Variants in ADGRB3 observed in about 807,000 individuals in gnomAD.
ADGRB3 encodes brain-specific angiogenesis inhibitor 3.
ADGRB3 carries 37 observed loss-of-function variants against 193.4 expected under a neutral mutation model. The observed-to-expected ratio is 0.19, with a 90% CI of 0.15 to 0.25. ADGRB3 has a LOEUF of 0.25. Among genes scored for constraint, ADGRB3 ranks in the 10% least tolerant of loss-of-function variants. The probability of loss-of-function intolerance (pLI) is 1.00; values close to 1 mark genes in which losing one functional copy is unlikely to be tolerated. For synonymous variants in ADGRB3, 690 were observed against 644.2 expected, an observed-to-expected ratio of 1.07 and a Z score of -1.08; for missense variants, 1,637 against 1,852.9, an observed-to-expected ratio of 0.88 and a Z score of 2.14.
chr6:68,754,384 A>C (rs1562016604), intron 3 of ADGRB3, among the ~76,000 whole-genome samples: 1 of 152,184 alleles, frequency 6.6e-6, no homozygotes. Context: ...ACTGAAAATC[A>C]AAAAGAAGAT....
At chr6:68,842,338 C>A (rs1768174880) in intron 3 of ADGRB3, among the ~76,000 whole-genome samples, 1 of 151,590 alleles carries the variant, frequency 6.6e-6, no homozygotes, top group Admixed American at 6.6e-5. Flanking sequence ...GGAGACAATA[C>A]AACTGATACT....
intron 8 of ADGRB3, among the ~76,000 whole-genome samples, chr6:68,967,668 C>T (rs951177567): frequency 4.0e-5 from 6 of 151,392 alleles, no homozygotes; most frequent in Non-Finnish European, 5.9e-5. Context: ...TCATTCTCTG[C>T]GATCTTAAGA....
intron 3 of ADGRB3, among the ~76,000 whole-genome samples, chr6:68,842,952 G>A (rs1270871205): frequency 6.6e-6 from 1 of 151,240 alleles, no homozygotes; most frequent in Non-Finnish European, 1.5e-5. Context: ...GCTGAAAAAA[G>A]CATTTGATAA....
intron 26 of ADGRB3, among the ~76,000 whole-genome samples, chr6:69,350,539 G>A (rs545181467): frequency 2.6e-5 from 4 of 151,902 alleles, no homozygotes; most frequent in Admixed American, 2.0e-4. Flanking sequence ...TAAAAAAATT[G>A]CATTTACTGG....
chr6:69,206,626 T>C (rs762973134), intron 17 of ADGRB3, among the ~76,000 whole-genome samples: 3 of 152,062 alleles, frequency 2.0e-5, no homozygotes, highest in Non-Finnish European at 2.9e-5. Flanking sequence ...TACCTAACAT[T>C]AACAATACTT....
intron 1 of ADGRB3, among the ~76,000 whole-genome samples, chr6:68,636,968 A>G (rs546199135): frequency 6.6e-6 from 1 of 152,072 alleles, no homozygotes; most frequent in Non-Finnish European, 1.5e-5. Context: ...CAAAAAAAAA[A>G]AAAAAAAAAG....
intron 3 of ADGRB3, among the ~76,000 whole-genome samples, chr6:68,758,216 A>C (rs927959721): frequency 3.3e-5 from 5 of 152,086 alleles, no homozygotes; most frequent in African/African-American, 1.2e-4. Context: ...TTTTTGGTAC[A>C]TATGAAGAGC....
intron 3 of ADGRB3, among the ~76,000 whole-genome samples, chr6:68,697,267 G>T (rs1765173390): frequency 6.6e-6 from 1 of 151,866 alleles, no homozygotes; most frequent in Admixed American, 6.6e-5. Context: ...TTTATTTTAA[G>T]ATGGACTTCT....
chr6:69,360,012 T>G (rs552464380), intron 28 of ADGRB3, among the ~76,000 whole-genome samples: 10 of 152,004 alleles, frequency 6.6e-5, no homozygotes, highest in African/African-American at 1.7e-4. Flanking sequence ...AAATATATTT[T>G]AATAAAGAAT....
intron 8 of ADGRB3, among the ~76,000 whole-genome samples, chr6:68,957,997 T>C (rs1191687916): frequency 1.3e-5 from 2 of 152,010 alleles, no homozygotes; most frequent in Non-Finnish European, 2.9e-5. Context: ...GGTCAGGAGT[T>C]CGAGACCAGC....
At chr6:68,847,813 A>C (rs1768311534) in intron 3 of ADGRB3, among the ~76,000 whole-genome samples, 1 of 152,194 alleles carries the variant, frequency 6.6e-6, no homozygotes. Context: ...AAAGCAAATG[A>C]AATCAAAAGG....
At chr6:68,640,272 G>T (rs538414283) in intron 3 of ADGRB3, among the ~76,000 whole-genome samples, 9 of 152,304 alleles carry the variant, frequency 5.9e-5, no homozygotes, top group Non-Finnish European at 1.0e-4. Context: ...CTAGCTGGGG[G>T]AAAGGAGGGG....
At chr6:68,841,040 C>A (rs1377333694) in intron 3 of ADGRB3, among the ~76,000 whole-genome samples, 1 of 152,094 alleles carries the variant, frequency 6.6e-6, no homozygotes, top group African/African-American at 2.4e-5. Flanking sequence ...GATAATTCAT[C>A]CAGATGATAT....
intron 3 of ADGRB3, among the ~76,000 whole-genome samples, chr6:68,859,849 G>T (rs950974554): frequency 1.3e-5 from 2 of 151,806 alleles, no homozygotes; most frequent in African/African-American, 4.8e-5. Context: ...CAAACATTTT[G>T]GTCTCATAAA....
chr6:68,784,729 G>A (rs917146067), intron 3 of ADGRB3, among the ~76,000 whole-genome samples: 7 of 152,158 alleles, frequency 4.6e-5, no homozygotes, highest in African/African-American at 1.4e-4. Context: ...CTCACAAACA[G>A]ATGAAAAATT....
chr6:69,183,670 A>C (rs1335630276), intron 17 of ADGRB3, among the ~76,000 whole-genome samples: 3 of 152,134 alleles, frequency 2.0e-5, no homozygotes, highest in Admixed American at 1.3e-4. Context: ...ATATATGTAA[A>C]AAATAAAAGT....
At position 69,288,888 on chromosome 6, in the gene ADGRB3, C is replaced by A. The variant is rs534788210; in HGVS notation, c.2815-35984C>A. On this transcript the variant is annotated intron_variant, in intron 20 of 31. Coordinates refer to ENST00000370598, the MANE Select transcript of ADGRB3 (RefSeq NM_001704.3). ...GGTGGTGTTATTGGTACAAGCAGAG[C>A]CAACTTGCAAAGGAACACGCTTCTC... is the stretch of plus-strand genomic sequence containing the variant. 1.8e-3 allele frequency among the ~76,000 whole-genome samples: 270 copies of A among 152,206 alleles called. 1 individual carries two copies. The highest frequency in any genetic ancestry group is 3.4e-3 in the Middle Eastern group (1 of 294).
At position 69,176,556 on chromosome 6, in the gene ADGRB3, G is replaced by A. The variant is rs188810304; in HGVS notation, c.2481-56734G>A. On this transcript the variant is annotated intron_variant, in intron 17 of 31. Transcript: ENST00000370598. ...GTTTGCTAGTAATTTGAGAATTTTTGTGTGTGTGTCCATGTTCATCAGGGA... is the reference window on the plus strand; with the variant it reads ...GTTTGCTAGTAATTTGAGAATTTTTATGTGTGTGTCCATGTTCATCAGGGA... 1.2e-3 allele frequency among the ~76,000 whole-genome samples: 185 copies of A among 152,228 alleles called. 2 individuals carry two copies. In the South Asian group the frequency reaches 0.03, roughly 25 times the overall value.
In ADGRB3 at chr6:68,739,709, G is replaced by C. The variant is rs539845248; in HGVS notation, c.757+100277G>C. Among the ~76,000 whole-genome samples the C allele has an allele frequency of 2.0e-5, 3 of 152,246 alleles. No homozygotes were observed. In the East Asian group the frequency reaches 5.8e-4, roughly 29 times the overall value. On this transcript the variant is annotated intron_variant, in intron 3 of 31. Transcript: ENST00000370598. ...GTTGACCAGAAAAGAGAGTTAATCTGATTTATTTTCTAAAAAGAAAATTAC... is the reference window on the plus strand; with the variant it reads ...GTTGACCAGAAAAGAGAGTTAATCTCATTTATTTTCTAAAAAGAAAATTAC...
Sources: gnomAD v4.1 joint callset for allele counts (sites outside exome capture counted in the v4.1 genomes callset) on GRCh38, gnomAD v4.1.1 for gene constraint, MANE v1.5 for transcripts, NCBI Gene and HGNC (gene_info 2026-07-23, HGNC 2026-07-21) for gene names.